Variants in AMBP observed in about 807,000 individuals in gnomAD.
AMBP encodes the protein protein AMBP.
Under a neutral mutation model 46.3 loss-of-function variants are expected in AMBP, and 37 were observed. That is an observed-to-expected ratio of 0.80 (90% CI 0.61 to 1.05). The LOEUF (loss-of-function observed/expected upper bound fraction) is 1.05. AMBP is among the 50% of genes least tolerant of loss of function. The pLI is 0.00. For synonymous variants in AMBP, 174 were observed against 175.9 expected (o/e 0.99, Z 0.09); for missense variants, 475 against 461.2 (o/e 1.03, Z -0.27).
chr9:114,062,053 C>T (rs1042830785), intron 7 of AMBP, among the ~76,000 whole-genome samples: 1 of 152,160 alleles, frequency 6.6e-6, no homozygotes, highest in Non-Finnish European at 1.5e-5. Flanking sequence ...TCCCCTTTAT[C>T]CATGAAGTCC....
chr9:114,064,882 C>G (rs1588488533), intron 6 of AMBP, among the ~76,000 whole-genome samples: 1 of 152,286 alleles, frequency 6.6e-6, no homozygotes, highest in South Asian at 2.1e-4. Context: ...ACTTCTAAAT[C>G]CAGAAGGAGA....
At chr9:114,075,729 G>C (rs1282431741) in intron 2 of AMBP, among the ~76,000 whole-genome samples, 1 of 152,190 alleles carries the variant, frequency 6.6e-6, no homozygotes, top group Non-Finnish European at 1.5e-5. Context: ...ATGGGGGTAA[G>C]TGTGAGGTCC....
At position 114,066,724 on chromosome 9, in the gene AMBP, T is replaced by C. The variant is rs1588489034; in HGVS notation, c.603+2975A>G. On this transcript the variant is annotated intron_variant, in intron 6 of 9. Transcript: ENST00000265132. ...TAGTGATAATCCCAGTGAATGCAGA[T>C]GGAAACGACAAAGAGATGAAAGCGA... 3.9e-5 allele frequency among the ~76,000 whole-genome samples: 6 copies of C among 152,186 alleles called. 1 individual carries two copies. The highest frequency in any genetic ancestry group is 3.9e-4 in the Admixed American group (6 of 15,278).
chr9:114,074,310 C>T (rs1002014603), intron 3 of AMBP, among the ~76,000 whole-genome samples, 158 bp from the exon 4 acceptor site: 11 of 152,134 alleles, frequency 7.2e-5, no homozygotes, highest in African/African-American at 2.7e-4. Context: ...CATATTCAAT[C>T]TCTCCCTATC....
At chr9:114,064,361 T>C in intron 6 of AMBP, among the ~76,000 whole-genome samples, 1 of 152,264 alleles carries the variant, frequency 6.6e-6, no homozygotes, top group Middle Eastern at 3.4e-3. Flanking sequence ...ATTGCTAACA[T>C]GGTTATGTGA....
At chr9:114,060,355 C>T in intron 9 of AMBP, 85 bp from the exon 10 acceptor site, 1 of 1,409,450 alleles carries the variant, frequency 7.1e-7, no homozygotes, top group South Asian at 1.2e-5. Flanking sequence ...GGGCCAGAAA[C>T]CTCTGCTTGC....
At chr9:114,064,464 G>C (rs918013894) in intron 6 of AMBP, among the ~76,000 whole-genome samples, 1 of 152,096 alleles carries the variant, frequency 6.6e-6, no homozygotes, top group African/African-American at 2.4e-5. Context: ...AACAGGTATG[G>C]GGAAAAATCT....
chr9:114,077,642 G>A lies in AMBP; in HGVS notation c.117+451C>T, dbSNP rs143442596. The A allele has an allele frequency of 3.1e-3, 510 of 165,596 alleles. 4 individuals carry two copies. Among genetic ancestry groups the A allele is most frequent in the African/African-American group, 0.011 (482 of 42,238 alleles). 10.3% of individuals were successfully genotyped at this position (165,596 alleles called of 1,614,324 possible). ...CAAAAGCTGCTGGCCACATGCCCAC[G>A]CTGTGCCACCCCAGGTGTCTGTCCA... is the stretch of plus-strand genomic sequence containing the variant. On this transcript the variant is annotated intron_variant, in intron 1 of 9. Transcript: ENST00000265132.
At chr9:114,069,418 CTA>C (rs1317835191) in intron 6 of AMBP, among the ~76,000 whole-genome samples, 1 of 152,144 alleles carries the variant, frequency 6.6e-6, no homozygotes, top group Admixed American at 6.5e-5. Context: ...AAGAACTTTT[CTA>C]TATGTCATTA....
intron 6 of AMBP, among the ~76,000 whole-genome samples, 194 bp from the exon 7 acceptor site, chr9:114,062,952 A>G (rs1258664588): frequency 6.6e-6 from 1 of 152,182 alleles, no homozygotes; most frequent in East Asian, 1.9e-4. Flanking sequence ...CAGAGGACAG[A>G]TTTCTGGTCT....
intron 3 of AMBP, 55 bp from the exon 4 acceptor site, chr9:114,074,207 G>C (rs1254710270): frequency 7.0e-6 from 10 of 1,434,630 alleles, no homozygotes; most frequent in Non-Finnish European, 9.8e-6. Flanking sequence ...GACTCTTCTA[G>C]CTGGAGGTCC....
chr9:114,063,659 A>T (rs2134846299), intron 6 of AMBP, among the ~76,000 whole-genome samples: 1 of 152,348 alleles, frequency 6.6e-6, no homozygotes, highest in Middle Eastern at 3.4e-3. Flanking sequence ...AAACAGAAGA[A>T]CACTTAAACC....
At position 114,078,089 on chromosome 9, in the gene AMBP, T is replaced by C. The variant is rs755210207; in HGVS notation, c.117+4A>G. ...CACCCTACCACAGAGAGCGGCAGCCTTACCCGAGAGATATTGAAGTTTTCC... is the reference window on the plus strand; with the variant it reads ...CACCCTACCACAGAGAGCGGCAGCCCTACCCGAGAGATATTGAAGTTTTCC... On this transcript the variant is annotated splice_donor_region_variant and intron_variant, in intron 1 of 9. Coordinates refer to ENST00000265132, the MANE Select transcript of AMBP (RefSeq NM_001633.4). 3.1e-6 allele frequency: 5 copies of C among 1,613,804 alleles called. No homozygotes were observed. The African/African-American group carries it at 6.7e-5, about 22-fold the overall frequency.
chr9:114,076,854 A>C, intron 1 of AMBP, 114 bp from the exon 2 acceptor site: 2 of 1,311,344 alleles, frequency 1.5e-6, no homozygotes, highest in Non-Finnish European at 2.1e-6. Context: ...TTCTCCTCAA[A>C]ATGACTTATC....
Position 114,075,020 on chromosome 9 carries a change from C to T in AMBP, c.277G>A (p.Glu93Lys), listed in dbSNP as rs769729448. The T allele has an allele frequency of 1.9e-6, 3 of 1,614,124 alleles. No homozygotes were observed. In the East Asian group the frequency reaches 6.7e-5, roughly 36 times the overall value. The stretch of plus-strand genomic sequence containing the variant: ...GTTTTCTCATAAGCTCCAGACGTCT[C>T]CTCACAGACACCTTTCCTAGAAATG... ...STRWRKGVCE[E>K]TSGAYEKTDT... The change falls in exon 3 of 10, where the codon GAG (glutamate) becomes AAG (lysine). Residue 93 changes from glutamate to lysine, a missense_variant. By Grantham distance (56) the Glu-to-Lys change is moderately conservative. Coordinates refer to ENST00000265132, the MANE Select transcript of AMBP (RefSeq NM_001633.4).
chr9:114,072,665 A>C (rs1221590368), intron 5 of AMBP, among the ~76,000 whole-genome samples: 1 of 152,212 alleles, frequency 6.6e-6, no homozygotes, highest in Non-Finnish European at 1.5e-5. Flanking sequence ...CCTAAGAGGT[A>C]TCTGTGGATT....
intron 6 of AMBP, among the ~76,000 whole-genome samples, chr9:114,065,952 T>C (rs1284997801): frequency 6.6e-6 from 1 of 152,208 alleles, no homozygotes; most frequent in African/African-American, 2.4e-5. Flanking sequence ...CTTAATAAAC[T>C]ACCTGGATTT....
At chr9:114,063,635 T>G (rs143275689) in intron 6 of AMBP, among the ~76,000 whole-genome samples, 1 of 152,124 alleles carries the variant, frequency 6.6e-6, no homozygotes, top group African/African-American at 2.4e-5. Context: ...GGAATTCAGG[T>G]TGATGGCAGT....
Position 114,060,367 on chromosome 9 carries a change from G to A in AMBP, c.1028-97C>T. On this transcript the variant is annotated intron_variant, in intron 9 of 9. Coordinates refer to ENST00000265132, the MANE Select transcript of AMBP (RefSeq NM_001633.4). ...CTGGGGCCAGAAACCTCTGCTTGCTGAATCATTTATCTCCAAAGGGTATTC... is the reference window on the plus strand; with the variant it reads ...CTGGGGCCAGAAACCTCTGCTTGCTAAATCATTTATCTCCAAAGGGTATTC... 3.0e-6 allele frequency: 4 copies of A among 1,326,068 alleles called. No homozygotes were observed. In the South Asian group the frequency reaches 3.8e-5, roughly 13 times the overall value. 82.1% of individuals were successfully genotyped at this position (1,326,068 alleles called of 1,614,324 possible). A position where few individuals can be genotyped will look rare whatever the true frequency, so the allele number is the denominator to read the frequency against.
Sources: gnomAD v4.1 joint callset for allele counts (sites outside exome capture counted in the v4.1 genomes callset) on GRCh38, gnomAD v4.1.1 for gene constraint, MANE v1.5 for transcripts, NCBI Gene and HGNC (gene_info 2026-07-23, HGNC 2026-07-21) for gene names.